The following JAG1 variants were observed in gnomAD, a reference collection of about 807,000 sequenced individuals.
The protein encoded by JAG1 is jagged canonical Notch ligand 1, also known as protein jagged-1.
JAG1 carries 23 observed loss-of-function variants against 148.7 expected under a neutral mutation model. That is an observed-to-expected ratio of 0.15 (90% CI 0.11 to 0.22). The LOEUF (loss-of-function observed/expected upper bound fraction) is 0.22. Among genes scored for constraint, JAG1 ranks in the 10% least tolerant of loss-of-function variants. JAG1 has a pLI of 1.00. For missense variants in JAG1, 1,054 were observed against 1,611.2 expected (o/e 0.65, Z 5.92); for synonymous variants, 572 against 598.3 (o/e 0.96, Z 0.64).
intron 5 of JAG1, among the ~76,000 whole-genome samples, chr20:10,654,883 A>G (rs889289197): frequency 2.6e-5 from 4 of 152,156 alleles, no homozygotes; most frequent in Admixed American, 1.3e-4. Context: ...AGCAGCACAA[A>G]TCACAGTCGG....
chr20:10,651,753 C>T lies in JAG1; in HGVS notation c.1007-59G>A, dbSNP rs1336709158. Reference sequence around the variant, plus strand: ...GCCTGCACACCGTTACCTCCCCACACCCCCCTCCAACCGAATCCCACACCA... The same window carrying T: ...GCCTGCACACCGTTACCTCCCCACATCCCCCTCCAACCGAATCCCACACCA... On this transcript the variant is annotated intron_variant, in intron 7 of 25. Coordinates refer to ENST00000254958, the MANE Select transcript of JAG1 (RefSeq NM_000214.3). 8.3e-6 allele frequency: 9 copies of T among 1,079,598 alleles called. No homozygotes were observed. In the East Asian group the frequency reaches 1.5e-4, roughly 18 times the overall value. The allele number at this position is 1,079,598 out of a possible 1,614,324, so 66.9% of individuals were successfully genotyped here. A position where few individuals can be genotyped will look rare whatever the true frequency, so the allele number is the denominator to read the frequency against.
chr20:10,644,235 G>T, intron 19 of JAG1, 122 bp downstream of exon 19: 2 of 906,566 alleles, frequency 2.2e-6, no homozygotes, highest in South Asian at 1.4e-5. Flanking sequence ...CAGACCTCCT[G>T]ACTCAGAACT....
In JAG1 at chr20:10,639,896, T is replaced by C. The variant is rs1600177820; in HGVS notation, c.3259A>G (p.Thr1087Ala). The change falls in exon 26 of 26, where the codon ACG becomes GCG. Residue 1087 changes from threonine (T) to alanine (A), a missense_variant. This residue lies in a region of JAG1 where 177 missense variants were observed against 177.3 expected (regional missense o/e 1.00). Coordinates refer to ENST00000254958, the MANE Select transcript of JAG1 (RefSeq NM_000214.3). ...TTCCGCAGGCACCAGTAGAAGGCCG[T>C]CACCAAGCAACAGATCCAAGCCACA... is the stretch of plus-strand genomic sequence containing the variant. ...LTVAWICCLV[T>A]AFYWCLRKRR... 1 of 1,614,160 alleles carries C rather than the reference T, an allele frequency of 6.2e-7. No homozygotes were observed. Among genetic ancestry groups the C allele is most frequent in the African/African-American group, 1.3e-5 (1 of 75,040 alleles).
In JAG1 at chr20:10,650,304, C is replaced by A. The variant is rs1330216708; in HGVS notation, c.1177G>T (p.Val393Phe). 1 of 1,614,142 alleles carries A rather than the reference C, an allele frequency of 6.2e-7. No homozygotes were observed. The highest frequency in any genetic ancestry group is 8.5e-7 in the Non-Finnish European group (1 of 1,180,004). ...GGGCACACACACTTAAATCCGTTAA[C>A]CAGGTCCTGGCAGGTGCCCCCGTGG... The part of the protein sequence containing the change: ...CSHGGTCQDL[V>F]NGFKCVCPPQ... The change falls in exon 9 of 26, where the codon GTT (valine) becomes TTT (phenylalanine). Residue 393 changes from valine to phenylalanine, a missense_variant. Val to Phe is a conservative substitution (Grantham distance 50, BLOSUM62 -1). Around this residue, in one of 6 missense-constraint regions of JAG1, gnomAD observed 245 missense variants for 373.1 expected, o/e 0.66. Coordinates refer to ENST00000254958, the MANE Select transcript of JAG1 (RefSeq NM_000214.3).
At chr20:10,649,869 A>G (rs1224582927) in intron 9 of JAG1, among the ~76,000 whole-genome samples, 1 of 152,212 alleles carries the variant, frequency 6.6e-6, no homozygotes, top group Non-Finnish European at 1.5e-5. Context: ...CCAGCCCCCA[A>G]CAAAACAGCA....
chr20:10,661,010 C>A (rs1329592407), intron 3 of JAG1, among the ~76,000 whole-genome samples: 7 of 152,140 alleles, frequency 4.6e-5, no homozygotes, highest in African/African-American at 1.7e-4. Context: ...ACAGGGAAAA[C>A]CTGGTCTGAA....
chr20:10,672,728 G>A lies in JAG1; in HGVS notation c.360C>T (p.Ile120=), dbSNP rs1199774396. 4 of 1,613,024 alleles carry A rather than the reference G, an allele frequency of 2.5e-6. No homozygotes were observed. Among genetic ancestry groups the A allele is most frequent in the Non-Finnish European group, 3.4e-6 (4 of 1,180,024 alleles). Residue 120 remains isoleucine, a synonymous_variant, in exon 2 of 26, where the codon ATC becomes ATT. Transcript: ENST00000254958. ...GCCAGGCGAAACTGAAAGGCAGCAC[G>A]ATGCGGTTGCGGTCGTTGCCGCGGC... ...KASRGNDRNR[I]VLPFSFAWPR... is the part of the protein sequence containing the mutation.
chr20:10,663,972 C>A lies in JAG1; in HGVS notation c.430G>T (p.Asp144Tyr). 2.5e-6 allele frequency: 4 copies of A among 1,613,618 alleles called. No individual in the cohort carries two copies. The highest frequency in any genetic ancestry group is 3.4e-6 in the Non-Finnish European group (4 of 1,179,520). The change falls in exon 3 of 26, where the codon GAC becomes TAC. Residue 144 changes from aspartate (D) to tyrosine (Y), a missense_variant. This residue lies in a region of JAG1 where 151 missense variants were observed against 211.1 expected (regional missense o/e 0.72). Coordinates refer to ENST00000254958, the MANE Select transcript of JAG1 (RefSeq NM_000214.3). ...LLVEAWDSSN[D>Y]TVQPDSIIEK... ...CAGAAGCGATACTTACGAACGGTGT[C>A]ATTACTGGAATCCCACGCCTCCACA...
At position 10,672,953 on chromosome 20, in the gene JAG1, C is replaced by G. The variant is rs1193959313; in HGVS notation, c.135G>C (p.Val45=). 2 of 1,612,850 alleles carry G rather than the reference C, an allele frequency of 1.2e-6. No homozygotes were observed. The highest frequency in any genetic ancestry group is 4.5e-5 in the East Asian group (2 of 44,872). The change falls in exon 2 of 26, where the codon GTG becomes GTC. Residue 45 remains valine (V), a synonymous_variant. Coordinates refer to ENST00000254958, the MANE Select transcript of JAG1 (RefSeq NM_000214.3). ...FELEILSMQN[V]NGELQNGNCC... Reference sequence around the variant, plus strand: ...AGTTCCCGTTCTGCAGCTCCCCGTTCACGTTCTGCATGGACAGGATCTCCA... The same window carrying G: ...AGTTCCCGTTCTGCAGCTCCCCGTTGACGTTCTGCATGGACAGGATCTCCA...
chr20:10,657,417 C>T (rs1239399975), intron 4 of JAG1, among the ~76,000 whole-genome samples: 2 of 151,042 alleles, frequency 1.3e-5, no homozygotes, highest in Non-Finnish European at 2.9e-5. Context: ...TTTTAAAACA[C>T]ACTAAAATAT....
At chr20:10,671,901 A>G (rs2067497574) in intron 2 of JAG1, among the ~76,000 whole-genome samples, 1 of 151,932 alleles carries the variant, frequency 6.6e-6, no homozygotes, top group African/African-American at 2.4e-5. Flanking sequence ...TACCTCCAGA[A>G]GACCACCCCT....
rs566557171 is a variant in JAG1 at position 10,643,870 on chromosome 20, A to T, written c.2373-7T>A. ...ACAGGTGCCGCTGTTGTAACTAAGAAAGCAAAGACCACCTTGGTTACCAAC... is the reference window on the plus strand; with the variant it reads ...ACAGGTGCCGCTGTTGTAACTAAGATAGCAAAGACCACCTTGGTTACCAAC... On this transcript the variant is annotated splice_polypyrimidine_tract_variant and splice_region_variant and intron_variant, in intron 19 of 25. Coordinates refer to ENST00000254958, the MANE Select transcript of JAG1 (RefSeq NM_000214.3). The T allele has an allele frequency of 6.2e-7, 1 of 1,612,036 alleles. No individual in the cohort carries two copies. The highest frequency in any genetic ancestry group is 1.3e-5 in the African/African-American group (1 of 74,922).
Position 10,648,502 on chromosome 20 carries a change from G to A in JAG1, c.1569+47C>T, listed in dbSNP as rs184530396. Reference sequence around the variant, plus strand: ...AGTAAAGGGAAGCGGAGGAGGCAGCGGCTCTGCTCTAAAAACTTGGCCATC... The same window carrying A: ...AGTAAAGGGAAGCGGAGGAGGCAGCAGCTCTGCTCTAAAAACTTGGCCATC... On this transcript the variant is annotated intron_variant, in intron 12 of 25. Coordinates refer to ENST00000254958, the MANE Select transcript of JAG1 (RefSeq NM_000214.3). The A allele has an allele frequency of 1.1e-4, 160 of 1,521,246 alleles. 2 individuals are homozygous for A. In the African/African-American group the frequency reaches 1.1e-3, roughly 11 times the overall value. The allele number at this position is 1,521,246 out of a possible 1,614,324, so 94.2% of individuals were successfully genotyped here. A position where few individuals can be genotyped will look rare whatever the true frequency, so the allele number is the denominator to read the frequency against.
intron 3 of JAG1, among the ~76,000 whole-genome samples, chr20:10,659,587 T>TTTA (rs34261661): frequency 2.6e-5 from 3 of 117,374 alleles, no homozygotes; most frequent in South Asian, 5.6e-4. Context: ...TTTTTTTTTT[T>TTTA]ACAATTGTTA....
At chr20:10,650,413 A>G in intron 8 of JAG1, 53 bp from the exon 9 acceptor site, 3 of 1,022,120 alleles carry the variant, frequency 2.9e-6, no homozygotes, top group Admixed American at 3.7e-5. Flanking sequence ...CCATCTGACA[A>G]TTAGATCCTT....
intron 14 of JAG1, among the ~76,000 whole-genome samples, chr20:10,646,582 G>GGC (rs2067310343): frequency 3.3e-5 from 5 of 152,078 alleles, no homozygotes; most frequent in South Asian, 2.1e-4. Flanking sequence ...TTGGGGGTCG[G>GGC]GGGGTGGATC....
At chr20:10,659,302 C>A (rs2067398593) in intron 3 of JAG1, among the ~76,000 whole-genome samples, 1 of 152,198 alleles carries the variant, frequency 6.6e-6, no homozygotes, top group Non-Finnish European at 1.5e-5. Flanking sequence ...GTTACAAAAC[C>A]ATTTATATTT....
chr20:10,646,769 G>C (rs1362826315), intron 14 of JAG1, among the ~76,000 whole-genome samples, 170 bp downstream of exon 14: 2 of 151,906 alleles, frequency 1.3e-5, no homozygotes, highest in Non-Finnish European at 2.9e-5. Context: ...AGGTTGTGGT[G>C]AGCCGAGATC....
intron 25 of JAG1, among the ~76,000 whole-genome samples, chr20:10,640,367 G>A (rs1304038810): frequency 6.6e-6 from 1 of 150,948 alleles, no homozygotes; most frequent in African/African-American, 2.4e-5. Flanking sequence ...GGCTGAAACG[G>A]TGCTCGAGAT....
Sources: gnomAD v4.1 joint callset for allele counts (sites outside exome capture counted in the v4.1 genomes callset) on GRCh38, gnomAD v4.1.1 for gene constraint, gnomAD v4.1.1 regional missense constraint, MANE v1.5 for transcripts, NCBI Gene and HGNC (gene_info 2026-07-23, HGNC 2026-07-21) for gene names.